The following PITPNC1 variants were observed in gnomAD, a reference collection of about 807,000 sequenced individuals.
PITPNC1 encodes the protein cytoplasmic phosphatidylinositol transfer protein 1.
A neutral mutation model predicts 44.7 loss-of-function variants in PITPNC1; 18 were observed. The observed-to-expected ratio is 0.40, with a 90% CI of 0.28 to 0.60. PITPNC1 has a LOEUF of 0.60. PITPNC1 is among the 20% of genes least tolerant of loss of function. The pLI is 0.39. For synonymous variants in PITPNC1, 141 were observed against 149.6 expected (o/e 0.94, Z 0.42); for missense variants, 290 against 418.4 (o/e 0.69, Z 2.68).
At chr17:67,451,637 T>TG (rs1305481943) in intron 1 of PITPNC1, among the ~76,000 whole-genome samples, 2 of 151,580 alleles carry the variant, frequency 1.3e-5, no homozygotes, top group African/African-American at 4.9e-5. Context: ...ACCTTTTTTT[T>TG]TTTTGTTTTG....
Position 67,449,586 on chromosome 17 carries a change from C to G in PITPNC1, c.48+71384C>G, listed in dbSNP as rs182373013. On this transcript the variant is annotated intron_variant, in intron 1 of 8. Coordinates refer to ENST00000581322, the MANE Select transcript of PITPNC1 (RefSeq NM_012417.4). ...AAAAAATCTTCTGTCTTTACCTTGA[C>G]AAGACATGTACCATTGCTGGGAGGT... Among the ~76,000 whole-genome samples the G allele has an allele frequency of 1.1e-4, 17 of 152,278 alleles. No individual in the cohort carries two copies. In the East Asian group the frequency reaches 3.3e-3, roughly 29 times the overall value.
At chr17:67,391,484 T>C (rs1484460167) in intron 1 of PITPNC1, among the ~76,000 whole-genome samples, 4 of 152,102 alleles carry the variant, frequency 2.6e-5, no homozygotes, top group African/African-American at 9.7e-5. Flanking sequence ...TGTATTTATT[T>C]ATTTATTTAT....
At chr17:67,454,268 A>C (rs1161619100) in intron 1 of PITPNC1, among the ~76,000 whole-genome samples, 1 of 151,824 alleles carries the variant, frequency 6.6e-6, no homozygotes, top group African/African-American at 2.4e-5. Context: ...AAAAAAACAA[A>C]ACCCAAAAGA....
chr17:67,470,010 C>T (rs1238818581), intron 1 of PITPNC1, among the ~76,000 whole-genome samples: 2 of 152,066 alleles, frequency 1.3e-5, no homozygotes, highest in Non-Finnish European at 2.9e-5. Flanking sequence ...GTAACCTCCG[C>T]CTCCTGGGTT....
At chr17:67,520,093 T>C (rs1397065229) in intron 1 of PITPNC1, among the ~76,000 whole-genome samples, 1 of 152,226 alleles carries the variant, frequency 6.6e-6, no homozygotes, top group Non-Finnish European at 1.5e-5. Context: ...TTTCTGCTTT[T>C]AAGTGGTACT....
At chr17:67,663,910 C>T (rs12449876) in intron 6 of PITPNC1, among the ~76,000 whole-genome samples, 16,162 of 152,058 alleles carry the variant, frequency 0.11, 1,355 homozygotes, top group African/African-American at 0.23. Flanking sequence ...GTCCAGTGAC[C>T]GAGCGAGCTT....
intron 2 of PITPNC1, among the ~76,000 whole-genome samples, chr17:67,542,085 A>G (rs1368436581): frequency 1.3e-5 from 2 of 152,204 alleles, no homozygotes; most frequent in African/African-American, 2.4e-5. Flanking sequence ...CTAACTTTCT[A>G]CACTCAAACT....
At chr17:67,686,567 T>C (rs534738799) in intron 8 of PITPNC1, among the ~76,000 whole-genome samples, 30 of 152,292 alleles carry the variant, frequency 2.0e-4, no homozygotes, top group African/African-American at 7.0e-4. Flanking sequence ...ATCTCAATTG[T>C]ACCAGTGAAT....
chr17:67,572,469 G>GGC (rs1491091128), intron 4 of PITPNC1, among the ~76,000 whole-genome samples: 3 of 18,184 alleles, frequency 1.6e-4, no homozygotes, highest in African/African-American at 4.9e-4. Flanking sequence ...TGGGTAAAGC[G>GGC]GGGGGGGGGG....
At chr17:67,497,303 TC>T (rs2039966107) in intron 1 of PITPNC1, among the ~76,000 whole-genome samples, 1 of 151,044 alleles carries the variant, frequency 6.6e-6, no homozygotes, top group South Asian at 2.1e-4. Flanking sequence ...CACTGCAACC[TC>T]CGATTCCCCA....
At position 67,621,269 on chromosome 17, in the gene PITPNC1, G is replaced by A. The variant is rs960313429; in HGVS notation, c.367-10874G>A. On this transcript the variant is annotated intron_variant, in intron 5 of 8. Coordinates refer to ENST00000581322, the MANE Select transcript of PITPNC1 (RefSeq NM_012417.4). ...GTCACCCAGGCTGGAGTGCAATGGC[G>A]CGATCTCAGGTCACTGTAACCTCTG... is the stretch of plus-strand genomic sequence containing the variant. 8.7e-5 allele frequency among the ~76,000 whole-genome samples: 13 copies of A among 150,156 alleles called. No homozygotes were observed. The East Asian group carries it at 9.8e-4, about 11-fold the overall frequency.
chr17:67,610,594 C>T (rs1396356747), intron 5 of PITPNC1, among the ~76,000 whole-genome samples: 1 of 152,034 alleles, frequency 6.6e-6, no homozygotes, highest in Non-Finnish European at 1.5e-5. Flanking sequence ...TAAAGACCAG[C>T]CTGGTCAACA....
chr17:67,536,447 G>C (rs980478935), intron 2 of PITPNC1, among the ~76,000 whole-genome samples: 4 of 152,070 alleles, frequency 2.6e-5, no homozygotes, highest in African/African-American at 9.7e-5. Flanking sequence ...GGCTGGTCTT[G>C]AACTCCTGAC....
chr17:67,636,298 A>C (rs990855169), intron 6 of PITPNC1, among the ~76,000 whole-genome samples: 17 of 152,008 alleles, frequency 1.1e-4, no homozygotes, highest in African/African-American at 3.4e-4. Context: ...AAAAAAAAAA[A>C]AAAAAGCATT....
chr17:67,566,592 G>A (rs553462997), intron 4 of PITPNC1, among the ~76,000 whole-genome samples: 56 of 152,170 alleles, frequency 3.7e-4, no homozygotes, highest in Non-Finnish European at 6.2e-4. Context: ...GTGTTTTCAA[G>A]GTACTAGGGT....
intron 5 of PITPNC1, among the ~76,000 whole-genome samples, chr17:67,587,105 C>G (rs1341916691): frequency 1.3e-5 from 2 of 152,118 alleles, no homozygotes; most frequent in Non-Finnish European, 2.9e-5. Context: ...GGAGGAGAAG[C>G]AGGTTCTGAG....
intron 6 of PITPNC1, among the ~76,000 whole-genome samples, chr17:67,656,842 A>G (rs2042274573): frequency 6.6e-6 from 1 of 152,242 alleles, no homozygotes; most frequent in African/African-American, 2.4e-5. Context: ...ATAAAGAATA[A>G]GTGCTATAAC....
At chr17:67,593,885 C>T (rs2041425639) in intron 5 of PITPNC1, among the ~76,000 whole-genome samples, 1 of 152,078 alleles carries the variant, frequency 6.6e-6, no homozygotes, top group Non-Finnish European at 1.5e-5. Context: ...TGTGGGAATA[C>T]AGTGTACGTC....
chr17:67,378,253 A>AC, intron 1 of PITPNC1, 51 bp downstream of exon 1: 1 of 1,291,392 alleles, frequency 7.7e-7, no homozygotes, highest in South Asian at 1.5e-5. Context: ...CCCCGCCGCT[A>AC]CCGCCGCCTC....
Sources: gnomAD v4.1 joint callset for allele counts (sites outside exome capture counted in the v4.1 genomes callset) on GRCh38, gnomAD v4.1.1 for gene constraint, MANE v1.5 for transcripts, NCBI Gene and HGNC (gene_info 2026-07-23, HGNC 2026-07-21) for gene names.